Variants in TRAP1 observed in about 807,000 individuals in gnomAD.
TRAP1 encodes TNF receptor associated protein 1.
A neutral mutation model predicts 89.1 loss-of-function variants in TRAP1; 102 were observed. That is an observed-to-expected ratio of 1.15 (90% CI 0.98 to 1.35). The LOEUF is 1.35. TRAP1 is among the 40% of genes most tolerant of loss of function. TRAP1 has a pLI of 0.00. For missense variants in TRAP1, 1,256 were observed against 945.3 expected (o/e 1.33, Z -4.31); for synonymous variants, 508 against 388.0 (o/e 1.31, Z -3.64).
intron 1 of TRAP1, among the ~76,000 whole-genome samples, chr16:3,714,036 C>T (rs1377395231): frequency 1.3e-5 from 2 of 152,244 alleles, no homozygotes; most frequent in African/African-American, 4.8e-5. Flanking sequence ...TCAGAGCTAT[C>T]TCCTTACCCT....
intron 4 of TRAP1, among the ~76,000 whole-genome samples, chr16:3,682,483 G>A (rs1459180181): frequency 2.6e-5 from 4 of 151,790 alleles, no homozygotes; most frequent in Admixed American, 6.6e-5. Flanking sequence ...TCCGCCTCCC[G>A]AGTTCAAGCA....
chr16:3,717,338 C>CA, intron 1 of TRAP1, 83 bp downstream of exon 1: 1 of 517,668 alleles, frequency 1.9e-6, no homozygotes, highest in Non-Finnish European at 2.9e-6. Context: ...GGTGCCGGCG[C>CA]CTCGCTCCCC....
intron 12 of TRAP1, chr16:3,664,949 G>C (rs1201215411): frequency 1.3e-5 from 2 of 158,014 alleles, no homozygotes; most frequent in East Asian, 3.8e-4. Flanking sequence ...CTCCCCATCA[G>C]CTGAACGCAG....
intron 3 of TRAP1, among the ~76,000 whole-genome samples, chr16:3,686,700 G>C (rs1314384982): frequency 6.6e-6 from 1 of 152,166 alleles, no homozygotes; most frequent in Non-Finnish European, 1.5e-5. Flanking sequence ...GCTGGGGTTG[G>C]GGGCTCATGC....
intron 2 of TRAP1, among the ~76,000 whole-genome samples, chr16:3,689,399 C>G (rs1198685226): frequency 6.6e-6 from 1 of 152,064 alleles, no homozygotes; most frequent in Admixed American, 6.6e-5. Context: ...TGCCTGCCAC[C>G]ACGCCCGGCT....
At position 3,659,156 on chromosome 16, in the gene TRAP1, GATAA is replaced by G. The variant is rs373437623; in HGVS notation, c.1941-295_1941-292del. ...ACGTGAAGACATGCCTTGGTTCCTA[GATAA>G]ATAATAAAAGAGAAGGGAGTAAGAC... is the stretch of plus-strand genomic sequence containing the variant. On this transcript the variant is annotated intron_variant, in intron 16 of 17. Coordinates refer to ENST00000246957, the MANE Select transcript of TRAP1 (RefSeq NM_016292.3). 543 of 315,980 alleles carry G rather than the reference GATAA, an allele frequency of 1.7e-3. 10 individuals carry two copies. The East Asian group carries it at 0.031, about 18-fold the overall frequency. 19.6% of individuals were successfully genotyped at this position (315,980 alleles called of 1,614,324 possible). A position where few individuals can be genotyped will look rare whatever the true frequency, so the allele number is the denominator to read the frequency against.
At chr16:3,686,672 T>C (rs1211096136) in intron 3 of TRAP1, among the ~76,000 whole-genome samples, 1 of 152,148 alleles carries the variant, frequency 6.6e-6, no homozygotes, top group African/African-American at 2.4e-5. Flanking sequence ...TAATTATAAC[T>C]TTAAGAAGAG....
chr16:3,661,850 T>C (rs1340353939), intron 16 of TRAP1, 137 bp downstream of exon 16: 2 of 1,192,730 alleles, frequency 1.7e-6, no homozygotes, highest in African/African-American at 3.1e-5. Context: ...CTAAACTGCA[T>C]ACAGCTCCTT....
intron 1 of TRAP1, among the ~76,000 whole-genome samples, chr16:3,701,757 TCATACAAGTAAGTAGTGG>T (rs1431899823): frequency 6.6e-6 from 1 of 152,092 alleles, no homozygotes; most frequent in Non-Finnish European, 1.5e-5. Context: ...CTTACTACAG[TCATACAAGTAAGTAGTGG>T]CAGGACCCAC....
intron 1 of TRAP1, among the ~76,000 whole-genome samples, chr16:3,706,169 G>C (rs1025585653): frequency 6.6e-5 from 10 of 152,106 alleles, no homozygotes; most frequent in Non-Finnish European, 1.5e-4. Context: ...GGCCAGGCTA[G>C]TCTCAAACTC....
intron 8 of TRAP1, 175 bp from the exon 9 acceptor site, chr16:3,674,669 G>A (rs933752533): frequency 2.2e-5 from 16 of 736,672 alleles, no homozygotes; most frequent in Non-Finnish European, 3.0e-5. Context: ...GCCGGGTAGT[G>A]CAGGGGAGAC....
Position 3,710,927 on chromosome 16 carries a change from G to C in TRAP1, c.88+6494C>G, listed in dbSNP as rs1465384293. Among the ~76,000 whole-genome samples the C allele has an allele frequency of 2.1e-5, 3 of 144,996 alleles. No individual in the cohort carries two copies. The Admixed American group carries it at 2.1e-4, about 10-fold the overall frequency. ...ACTCTGTCACCCAGACTGTAGTGCAGTGGCGTGATCACAGCTCACTGCAGC... is the reference window on the plus strand; with the variant it reads ...ACTCTGTCACCCAGACTGTAGTGCACTGGCGTGATCACAGCTCACTGCAGC... On this transcript the variant is annotated intron_variant, in intron 1 of 17. Coordinates refer to ENST00000246957, the MANE Select transcript of TRAP1 (RefSeq NM_016292.3).
intron 1 of TRAP1, among the ~76,000 whole-genome samples, chr16:3,698,124 G>A (rs1323916289): frequency 6.6e-6 from 1 of 151,488 alleles, no homozygotes; most frequent in African/African-American, 2.4e-5. Context: ...ATTTTTGAAA[G>A]GATTTAATAT....
At chr16:3,674,904 G>T in intron 8 of TRAP1, 1 of 323,948 alleles carries the variant, frequency 3.1e-6, no homozygotes. Flanking sequence ...CAGGAGAAAC[G>T]TCTGGAACAG....
At chr16:3,678,187 C>T (rs1485833951) in intron 5 of TRAP1, 1 of 153,196 alleles carries the variant, frequency 6.5e-6, no homozygotes, top group Non-Finnish European at 1.5e-5. Flanking sequence ...ATACACACGC[C>T]CACTGCCCTG....
At chr16:3,702,009 G>C (rs1267847452) in intron 1 of TRAP1, among the ~76,000 whole-genome samples, 1 of 152,120 alleles carries the variant, frequency 6.6e-6, no homozygotes, top group Non-Finnish European at 1.5e-5. Context: ...AGGAGTTCGA[G>C]ACCAGCGTGG....
At chr16:3,665,863 G>C in intron 12 of TRAP1, 108 bp downstream of exon 12, 4 of 1,393,902 alleles carry the variant, frequency 2.9e-6, no homozygotes, top group Non-Finnish European at 3.8e-6. Context: ...GCAGCAGCCA[G>C]GGTACCCAGC....
At chr16:3,676,169 A>T in intron 6 of TRAP1, 24 bp from the exon 7 acceptor site, 1 of 1,607,296 alleles carries the variant, frequency 6.2e-7, no homozygotes, top group Non-Finnish European at 8.5e-7. Flanking sequence ...AGAAAGGAAA[A>T]GCCAGGTGGA....
chr16:3,691,411 G>C (rs1296195801), intron 1 of TRAP1, among the ~76,000 whole-genome samples: 3 of 152,114 alleles, frequency 2.0e-5, no homozygotes, highest in Non-Finnish European at 4.4e-5. Flanking sequence ...TGTAGAAATG[G>C]GGTTTTGCTA....
Sources: allele counts gnomAD v4.1 joint callset (sites outside exome capture counted in the v4.1 genomes callset), GRCh38; gene constraint gnomAD v4.1.1; transcripts MANE v1.5; gene names NCBI Gene and HGNC (gene_info 2026-07-23, HGNC 2026-07-21).